SCUBE3: variants seen among roughly 807,000 people sequenced by gnomAD.
The protein encoded by SCUBE3 is signal peptide, CUB and EGF-like domain-containing protein 3.
SCUBE3 carries 33 observed loss-of-function variants against 116.8 expected under a neutral mutation model. The observed-to-expected ratio is 0.28, with a 90% CI of 0.21 to 0.38. The LOEUF (loss-of-function observed/expected upper bound fraction) is 0.38. Ranked by LOEUF, SCUBE3 falls within the 10% of genes least tolerant of loss-of-function variation. The probability of loss-of-function intolerance (pLI) is 1.00; values close to 1 mark genes in which losing one functional copy is unlikely to be tolerated. For synonymous variants in SCUBE3, 418 were observed against 496.9 expected, an observed-to-expected ratio of 0.84 and a Z score of 2.11; for missense variants, 1,007 against 1,324.8, an observed-to-expected ratio of 0.76 and a Z score of 3.72.
rs574786559 is a variant in SCUBE3 at position 35,219,211 on chromosome 6, T to G, written c.85+4708T>G. On this transcript the variant is annotated intron_variant, in intron 1 of 21. Coordinates refer to ENST00000274938, the MANE Select transcript of SCUBE3 (RefSeq NM_152753.4). This position sits in a 1 kb window ranked among gnomAD's most constrained non-coding sequence, Gnocchi z 4.7. The stretch of plus-strand genomic sequence containing the variant: ...GGTATTTATCCCTGGAAATAGCCCC[T>G]GAAGAACACATGTGTGTTTCTATAT... 1.1e-4 allele frequency among the ~76,000 whole-genome samples: 17 copies of G among 152,204 alleles called. No individual in the cohort carries two copies. The highest frequency in any genetic ancestry group is 2.1e-4 in the Non-Finnish European group (14 of 68,034).
At chr6:35,215,888 C>G (rs1441347008) in intron 1 of SCUBE3, among the ~76,000 whole-genome samples, 1 of 152,220 alleles carries the variant, frequency 6.6e-6, no homozygotes, top group African/African-American at 2.4e-5. Context: ...GACAGCGCAT[C>G]GCCACTGCCA....
At position 35,232,902 on chromosome 6, in the gene SCUBE3, G is replaced by A; in HGVS notation, c.522G>A (p.Glu174=). 2 of 1,614,152 alleles carry A rather than the reference G, an allele frequency of 1.2e-6. No individual in the cohort carries two copies. Among genetic ancestry groups the A allele is most frequent in the South Asian group, 1.1e-5 (1 of 91,088 alleles). ...KNHGCAHICR[E]TPKGGIACEC... ...ACGGCTGTGCCCACATTTGCCGGGA[G>A]ACACCCAAGGGGGGTATTGCCTGTG... The change falls in exon 5 of 22, where the codon GAG becomes GAA. Residue 174 remains glutamate (E), a synonymous_variant. Coordinates refer to ENST00000274938, the MANE Select transcript of SCUBE3 (RefSeq NM_152753.4). The surrounding 1 kb of genome is among the most constrained non-coding windows in gnomAD (Gnocchi z 4.2).
rs887015053 is a variant in SCUBE3, at chr6:35,231,395, G to A, written c.335-330G>A. Among the ~76,000 whole-genome samples, 1 of 152,144 alleles carries A rather than the reference G, an allele frequency of 6.6e-6. No individual in the cohort carries two copies. The highest frequency in any genetic ancestry group is 2.4e-5 in the African/African-American group (1 of 41,424). ...AATCTCCATCCTTACCTTCATCACT[G>A]TTCCTCTTTCTCTGGCTTCTTTCCT... On this transcript the variant is annotated intron_variant, in intron 3 of 21. Coordinates refer to ENST00000274938, the MANE Select transcript of SCUBE3 (RefSeq NM_152753.4). The surrounding 1 kb of genome is among the most constrained non-coding windows in gnomAD (Gnocchi z 4.2).
chr6:35,216,542 C>T (rs1403119442), intron 1 of SCUBE3, among the ~76,000 whole-genome samples: 2 of 152,186 alleles, frequency 1.3e-5, no homozygotes, highest in Non-Finnish European at 2.9e-5. Flanking sequence ...TGCTGGGTTA[C>T]AGGGATGTCT....
rs75555320 is a variant in SCUBE3, at chr6:35,219,273, T to C, written c.85+4770T>C. Reference sequence around the variant, plus strand: ...ACAAAGTTGGGAAGTGGAGCTGAAATATCCGTGTTATGGGAACTGAATATT... The same window carrying C: ...ACAAAGTTGGGAAGTGGAGCTGAAACATCCGTGTTATGGGAACTGAATATT... On this transcript the variant is annotated intron_variant, in intron 1 of 21. Transcript: ENST00000274938. This position sits in a 1 kb window ranked among gnomAD's most constrained non-coding sequence, Gnocchi z 4.7. Among the ~76,000 whole-genome samples the C allele has an allele frequency of 0.013, 1,960 of 152,294 alleles. 16 individuals are homozygous for C. The highest frequency in any genetic ancestry group is 0.023 in the African/African-American group (942 of 41,548).
chr6:35,242,142 C>T (rs1193107611), intron 12 of SCUBE3, 62 bp from the exon 13 acceptor site: 1 of 1,252,690 alleles, frequency 8.0e-7, no homozygotes, highest in African/African-American at 1.5e-5. Context: ...TCAACAACCC[C>T]TACGGCACCC....
At chr6:35,227,840 G>A (rs1783391059) in intron 2 of SCUBE3, 138 bp downstream of exon 2, 1 of 860,090 alleles carries the variant, frequency 1.2e-6, no homozygotes, top group Non-Finnish European at 1.8e-6. Context: ...GGTGAGGGGG[G>A]CAACTGCATC....
rs1267050506 is a variant in SCUBE3, at chr6:35,243,061, G to C, written c.1734G>C (p.Arg578=). 6 of 1,614,146 alleles carry C rather than the reference G, an allele frequency of 3.7e-6. No individual in the cohort carries two copies. The highest frequency in any genetic ancestry group is 5.1e-6 in the Non-Finnish European group (6 of 1,180,052). ...CCTGCCTCCGACAGCGAATGGAACG[G>C]CGGCTGAAAGGATCCCTGAAGATGC... is the stretch of plus-strand genomic sequence containing the variant. The part of the protein sequence containing the change: ...GLPCLRQRME[R]RLKGSLKMLR... Residue 578 remains arginine (R), a synonymous_variant, in exon 15 of 22, where the codon CGG becomes CGC. Coordinates refer to ENST00000274938, the MANE Select transcript of SCUBE3 (RefSeq NM_152753.4). The surrounding 1 kb of genome is among the most constrained non-coding windows in gnomAD (Gnocchi z 6.6).
intron 6 of SCUBE3, among the ~76,000 whole-genome samples, chr6:35,236,427 G>A (rs1783774533): frequency 6.6e-6 from 1 of 152,192 alleles, no homozygotes; most frequent in Non-Finnish European, 1.5e-5. Context: ...TGGGCTTAGT[G>A]GACCTCTTCT....
chr6:35,240,549 A>C lies in SCUBE3; in HGVS notation c.1069+59A>C. 6.2e-6 allele frequency: 5 copies of C among 810,150 alleles called. No homozygotes were observed. Among genetic ancestry groups the C allele is most frequent in the Admixed American group, 2.2e-5 (1 of 45,396 alleles). 50.2% of individuals were successfully genotyped at this position (810,150 alleles called of 1,614,324 possible). A position where few individuals can be genotyped will look rare whatever the true frequency, so the allele number is the denominator to read the frequency against. ...GGCCCCCTCACCTCTTCACCCTCCA[A>C]TTGAACAGGTCCTTGTGTTGGCTTG... On this transcript the variant is annotated intron_variant, in intron 9 of 21. Coordinates refer to ENST00000274938, the MANE Select transcript of SCUBE3 (RefSeq NM_152753.4). The surrounding 1 kb of genome is among the most constrained non-coding windows in gnomAD (Gnocchi z 4.6).
Position 35,241,740 on chromosome 6 carries a change from C to T in SCUBE3, c.1313-66C>T. The stretch of plus-strand genomic sequence containing the variant: ...CGTTCAGGCAGCTCCTTCATTCCCC[C>T]TGGATTCCTCCAGCCAGCGGGGGTT... On this transcript the variant is annotated intron_variant, in intron 11 of 21. Transcript: ENST00000274938. The surrounding 1 kb of genome is among the most constrained non-coding windows in gnomAD (Gnocchi z 4.1). 1.3e-6 allele frequency: 2 copies of T among 1,513,548 alleles called. No individual in the cohort carries two copies. Among genetic ancestry groups the T allele is most frequent in the Non-Finnish European group, 1.8e-6 (2 of 1,088,290 alleles). 93.8% of individuals were successfully genotyped at this position (1,513,548 alleles called of 1,614,324 possible).
Position 35,228,781 on chromosome 6 carries a change from G to A in SCUBE3, c.334+42G>A. The A allele has an allele frequency of 6.3e-7, 1 of 1,599,132 alleles. No homozygotes were observed. Among genetic ancestry groups the A allele is most frequent in the Non-Finnish European group, 8.6e-7 (1 of 1,166,626 alleles). ...GGATTTGGTGGAGGGATGTCTTGTGGAGAAAGAGATCTTTTCAGCATTTCC... is the reference window on the plus strand; with the variant it reads ...GGATTTGGTGGAGGGATGTCTTGTGAAGAAAGAGATCTTTTCAGCATTTCC... On this transcript the variant is annotated intron_variant, in intron 3 of 21. Transcript: ENST00000274938. This position sits in a 1 kb window ranked among gnomAD's most constrained non-coding sequence, Gnocchi z 4.9.
rs561606831 is a variant in SCUBE3, at chr6:35,252,187, A to T, written c.*3482A>T. Reference sequence around the variant, plus strand: ...ATATTATCAGGCCATGCCTATTCCTACAACCTGAGACAACTCTTGGAGTCA... The same window carrying T: ...ATATTATCAGGCCATGCCTATTCCTTCAACCTGAGACAACTCTTGGAGTCA... On this transcript the variant is annotated 3_prime_UTR_variant, in exon 22 of 22. Transcript: ENST00000274938. 2.5e-4 allele frequency: 38 copies of T among 152,240 alleles called. No individual in the cohort carries two copies. Among genetic ancestry groups the T allele is most frequent in the Admixed American group, 1.2e-3 (18 of 15,300 alleles). 9.4% of individuals were successfully genotyped at this position (152,240 alleles called of 1,614,324 possible). A position where few individuals can be genotyped will look rare whatever the true frequency, so the allele number is the denominator to read the frequency against.
intron 1 of SCUBE3, among the ~76,000 whole-genome samples, chr6:35,225,539 C>T (rs922097694): frequency 6.6e-6 from 1 of 152,092 alleles, no homozygotes; most frequent in African/African-American, 2.4e-5. Flanking sequence ...GGAGCCTGAG[C>T]GAGGTGGAGA....
rs184528684 is a variant in SCUBE3, at chr6:35,228,171, G to A, written c.209-443G>A. Among the ~76,000 whole-genome samples the A allele has an allele frequency of 4.6e-5, 7 of 152,302 alleles. No homozygotes were observed. Among genetic ancestry groups the A allele is most frequent in the African/African-American group, 1.7e-4 (7 of 41,556 alleles). On this transcript the variant is annotated intron_variant, in intron 2 of 21. Transcript: ENST00000274938. The surrounding 1 kb of genome is among the most constrained non-coding windows in gnomAD (Gnocchi z 4.9). ...CTTCAGTGTTGGTGAGACTTTAGTG[G>A]ACAGGGTACACTTGTTAATTCCTAG...
At chr6:35,221,303 A>G (rs1783109622) in intron 1 of SCUBE3, 1 of 152,184 alleles carries the variant, frequency 6.6e-6, no homozygotes, top group Non-Finnish European at 1.5e-5. Flanking sequence ...CCCAGCACTC[A>G]TCATATGGAT....
Position 35,244,583 on chromosome 6 carries a change from C to T in SCUBE3, c.2240-67C>T. 7.9e-7 allele frequency: 1 copy of T among 1,265,820 alleles called. No individual in the cohort carries two copies. Among genetic ancestry groups the T allele is most frequent in the Non-Finnish European group, 1.1e-6 (1 of 871,136 alleles). 78.4% of individuals were successfully genotyped at this position (1,265,820 alleles called of 1,614,324 possible). A position where few individuals can be genotyped will look rare whatever the true frequency, so the allele number is the denominator to read the frequency against. On this transcript the variant is annotated intron_variant, in intron 17 of 21. Coordinates refer to ENST00000274938, the MANE Select transcript of SCUBE3 (RefSeq NM_152753.4). This position sits in a 1 kb window ranked among gnomAD's most constrained non-coding sequence, Gnocchi z 4.3. ...ATTCTCCAGGATGAATGTATCCTGT[C>T]CATCCCATGCCCCGTAACTCCCACC... is the stretch of plus-strand genomic sequence containing the variant.
Position 35,235,514 on chromosome 6 carries a change from C to T in SCUBE3, c.712+2213C>T, listed in dbSNP as rs774958032. On this transcript the variant is annotated intron_variant, in intron 6 of 21. Transcript: ENST00000274938. This position sits in a 1 kb window ranked among gnomAD's most constrained non-coding sequence, Gnocchi z 4.5. ...TAATGGTAAATATGTCTGCTCTCTCCGCTTGCTCTCACTGGCTTGCTAGGG... is the reference window on the plus strand; with the variant it reads ...TAATGGTAAATATGTCTGCTCTCTCTGCTTGCTCTCACTGGCTTGCTAGGG... 23 of 1,261,142 alleles carry T rather than the reference C, an allele frequency of 1.8e-5. No homozygotes were observed. Among genetic ancestry groups the T allele is most frequent in the African/African-American group, 3.1e-5 (2 of 65,434 alleles). 78.1% of individuals were successfully genotyped at this position (1,261,142 alleles called of 1,614,324 possible). A position where few individuals can be genotyped will look rare whatever the true frequency, so the allele number is the denominator to read the frequency against.
In SCUBE3 at chr6:35,248,804, T is replaced by A; in HGVS notation, c.*99T>A. ...CTCAGACAAGGAACTCTCTCCTCTC[T>A]TTTTGGAGGGAAAAAAAAAATATCA... is the stretch of plus-strand genomic sequence containing the variant. On this transcript the variant is annotated 3_prime_UTR_variant, in exon 22 of 22. Transcript: ENST00000274938. 2.2e-6 allele frequency: 2 copies of A among 916,326 alleles called. No homozygotes were observed. The highest frequency in any genetic ancestry group is 1.7e-6 in the Non-Finnish European group (1 of 591,758). 56.8% of individuals were successfully genotyped at this position (916,326 alleles called of 1,614,324 possible).
Sources: gnomAD v4.1 joint callset for allele counts (sites outside exome capture counted in the v4.1 genomes callset) on GRCh38, gnomAD v4.1.1 for gene constraint, Gnocchi (gnomAD v3.1) non-coding constraint, MANE v1.5 for transcripts, NCBI Gene and HGNC (gene_info 2026-07-23, HGNC 2026-07-21) for gene names.